Variants in MRPL2 observed in about 807,000 individuals in gnomAD.
MRPL2 encodes the protein large ribosomal subunit protein uL2m.
Under a neutral mutation model 34.6 loss-of-function variants are expected in MRPL2, and 27 were observed. The ratio of observed to expected loss-of-function variants is 0.78; its 90% confidence interval spans 0.58 to 1.08. The LOEUF (loss-of-function observed/expected upper bound fraction) is 1.08, where lower values mean the gene tolerates loss of function less well. MRPL2 is among the 50% of genes least tolerant of loss of function. The pLI, the probability that MRPL2 is intolerant of heterozygous loss-of-function variation, is 0.00. For synonymous variants in MRPL2, 155 were observed against 158.0 expected, an observed-to-expected ratio of 0.98 and a Z score of 0.14; for missense variants, 414 against 419.3, an observed-to-expected ratio of 0.99 and a Z score of 0.11.
intron 6 of MRPL2, 77 bp from the exon 7 acceptor site, chr6:43,054,563 G>A: frequency 7.8e-7 from 1 of 1,288,486 alleles, no homozygotes; most frequent in East Asian, 2.4e-5. Context: ...CACCCTTGGG[G>A]GGCTTCTTAG....
upstream of MRPL2, chr6:43,059,581 G>GC (rs1317772704): frequency 9.9e-6 from 14 of 1,417,958 alleles, no homozygotes; most frequent in Admixed American, 8.8e-5. Context: ...TAGGAAACAG[G>GC]CCCCGCCCCC....
Position 43,056,009 on chromosome 6 carries a change from T to C in MRPL2, c.521-2A>G, listed in dbSNP as rs1764866384. 16 of 1,614,042 alleles carry C rather than the reference T, an allele frequency of 9.9e-6. No homozygotes were observed. Among genetic ancestry groups the C allele is most frequent in the African/African-American group, 1.3e-5 (1 of 74,922 alleles). On this transcript the variant is annotated splice_acceptor_variant, in intron 4 of 6. Transcript: ENST00000388752. LOFTEE classifies it high-confidence loss of function. The stretch of plus-strand genomic sequence containing the variant: ...GCGCATCCCCTTCCCGAGCAGCAAC[T>C]AAAAGACAGGATTTCATTAGCTCTA...
chr6:43,058,232 A>G lies in MRPL2; in HGVS notation c.98T>C (p.Met33Thr). Residue 33 changes from methionine to threonine, a missense_variant and splice_region_variant, in exon 2 of 7, where the codon ATG becomes ACG. Coordinates refer to ENST00000388752, the MANE Select transcript of MRPL2 (RefSeq NM_015950.5). ...CTGTTGGAGGAGGCCATTGTTCATCATCTAGGGATAAAAAGACATCTCTTT... is the reference window on the plus strand; with the variant it reads ...CTGTTGGAGGAGGCCATTGTTCATCGTCTAGGGATAAAAAGACATCTCTTT... ...PAPSLFPAAQ[M>T]MNNGLLQQPS... 6.2e-7 allele frequency: 1 copy of G among 1,613,588 alleles called. No homozygotes were observed. Among genetic ancestry groups the G allele is most frequent in the South Asian group, 1.1e-5 (1 of 90,974 alleles).
intron 6 of MRPL2, 94 bp from the exon 7 acceptor site, chr6:43,054,580 G>A (rs2150342920): frequency 2.9e-6 from 3 of 1,030,556 alleles, no homozygotes; most frequent in African/African-American, 1.6e-5. Flanking sequence ...TTAGACTCAA[G>A]GAGAGAAGGG....
At chr6:43,056,965 G>A (rs578081660) in intron 2 of MRPL2, among the ~76,000 whole-genome samples, 6 of 152,090 alleles carry the variant, frequency 3.9e-5, no homozygotes, top group East Asian at 3.9e-4. Context: ...GAGCCACTGC[G>A]CCCAGCCAAA....
intron 6 of MRPL2, 43 bp downstream of exon 6, chr6:43,055,502 A>T: frequency 1.3e-6 from 2 of 1,593,284 alleles, no homozygotes; most frequent in Non-Finnish European, 1.7e-6. Context: ...ACATTCCAAA[A>T]ATTCCTCCTT....
rs1765011868 is a variant in MRPL2, at chr6:43,059,405, C to G, written c.-24G>C. The G allele has an allele frequency of 3.3e-6, 5 of 1,524,122 alleles. No homozygotes were observed. The East Asian group carries it at 1.2e-4, about 38-fold the overall frequency. 94.4% of individuals were successfully genotyped at this position (1,524,122 alleles called of 1,614,324 possible). ...ATCAGCACGACACCCTTACTTTTAG[C>G]CAAGCTGCTCGGTGCTCCTAGATGA... is the stretch of plus-strand genomic sequence containing the variant. On this transcript the variant is annotated 5_prime_UTR_variant, in exon 1 of 7. Transcript: ENST00000388752.
intron 6 of MRPL2, 37 bp from the exon 7 acceptor site, chr6:43,054,523 G>A (rs200148871): frequency 6.3e-7 from 1 of 1,578,268 alleles, no homozygotes; most frequent in Non-Finnish European, 8.7e-7. Flanking sequence ...TGTACAATGG[G>A]GGGGAAAGAG....
rs1404741485 is a variant in MRPL2, at chr6:43,054,359, T to C, written c.833A>G (p.Lys278Arg). The change falls in exon 7 of 7, where the codon AAG (lysine) becomes AGG (arginine). Residue 278 changes from lysine to arginine, a missense_variant. Coordinates refer to ENST00000388752, the MANE Select transcript of MRPL2 (RefSeq NM_015950.5). ...AATCTTTCGGCCAGCCCAGCCCCCC[T>C]TGCGGTGCCACCGCCCACTGTTAGG... The part of the protein sequence containing the change: ...KRPNSGRWHR[K>R]GGWAGRKIRP... 3 of 1,613,820 alleles carry C rather than the reference T, an allele frequency of 1.9e-6. No individual in the cohort carries two copies. Among genetic ancestry groups the C allele is most frequent in the Non-Finnish European group, 2.5e-6 (3 of 1,179,996 alleles).
chr6:43,056,889 G>A (rs1162652906), intron 2 of MRPL2, among the ~76,000 whole-genome samples: 2 of 152,110 alleles, frequency 1.3e-5, no homozygotes, highest in Non-Finnish European at 2.9e-5. Context: ...TAGCCAGGAT[G>A]GTTTCAATCT....
rs993488668 is a variant in MRPL2 at position 43,059,358 on chromosome 6, G to A, written c.24C>T (p.Arg8=). The change falls in exon 1 of 7, where the codon CGC becomes CGT. Residue 8 remains arginine (R), a synonymous_variant. Coordinates refer to ENST00000388752, the MANE Select transcript of MRPL2 (RefSeq NM_015950.5). ...GCGCCAGGTTCAGAGAGCGCAGAGC[G>A]CGGGTCAGTGCGCACAGGGCCATCA... MALCALT[R]ALRSLNLAPP... 15 of 1,552,022 alleles carry A rather than the reference G, an allele frequency of 9.7e-6. No homozygotes were observed. Among genetic ancestry groups the A allele is most frequent in the Non-Finnish European group, 1.2e-5 (14 of 1,147,424 alleles).
At chr6:43,058,600 T>C (rs555046501) in intron 1 of MRPL2, among the ~76,000 whole-genome samples, 1 of 152,244 alleles carries the variant, frequency 6.6e-6, no homozygotes, top group East Asian at 1.9e-4. Context: ...GTCATTTCAC[T>C]CTTGTTCCTT....
chr6:43,054,546 G>C, intron 6 of MRPL2, 60 bp from the exon 7 acceptor site: 2 of 1,470,554 alleles, frequency 1.4e-6, no homozygotes, highest in Non-Finnish European at 1.9e-6. Context: ...TGACAATGTT[G>C]AGAGCACACC....
Position 43,054,245 on chromosome 6 carries a change from G to GA in MRPL2, c.*28_*29insT. The stretch of plus-strand genomic sequence containing the variant: ...CACAGTAACAGATTAAAACGGGGGG[G>GA]GGGGGCATTTTATTAGAGTACAGGG... On this transcript the variant is annotated 3_prime_UTR_variant, in exon 7 of 7. Transcript: ENST00000388752. The GA allele has an allele frequency of 7.2e-7, 1 of 1,397,312 alleles. No individual in the cohort carries two copies. Among genetic ancestry groups the GA allele is most frequent in the Non-Finnish European group, 9.8e-7 (1 of 1,023,156 alleles). The allele number at this position is 1,397,312 out of a possible 1,614,324, so 86.6% of individuals were successfully genotyped here.
At chr6:43,056,834 C>T (rs1437246646) in intron 2 of MRPL2, among the ~76,000 whole-genome samples, 1 of 152,000 alleles carries the variant, frequency 6.6e-6, no homozygotes, top group African/African-American at 2.4e-5. Flanking sequence ...ACCACCACGC[C>T]CAGCTAAGTT....
chr6:43,056,411 G>A lies in MRPL2; in HGVS notation c.300C>T (p.His100=), dbSNP rs1581985883. 1 of 1,614,048 alleles carries A rather than the reference G, an allele frequency of 6.2e-7. No homozygotes were observed. The highest frequency in any genetic ancestry group is 2.2e-5 in the East Asian group (1 of 44,876). The part of the protein sequence containing the change: ...RIRVHGIGGG[H]KQRYRMIDFL... The stretch of plus-strand genomic sequence containing the variant: ...AGTCAATCATTCGATAACGTTGCTT[G>A]TGGCCCCCGCCAATACCATGCACCC... Residue 100 remains histidine (H), a synonymous_variant, in exon 3 of 7, where the codon CAC becomes CAT. Coordinates refer to ENST00000388752, the MANE Select transcript of MRPL2 (RefSeq NM_015950.5).
At position 43,054,238 on chromosome 6, in the gene MRPL2, C is replaced by CGA. The variant is rs1764725550; in HGVS notation, c.*35_*36insTC. 4 of 983,722 alleles carry CGA rather than the reference C, an allele frequency of 4.1e-6. No homozygotes were observed. Among genetic ancestry groups the CGA allele is most frequent in the Non-Finnish European group, 4.3e-6 (3 of 704,942 alleles). The allele number at this position is 983,722 out of a possible 1,614,324, so 60.9% of individuals were successfully genotyped here. ...ACAAAACCACAGTAACAGATTAAAA[C>CGA]GGGGGGGGGGGGCATTTTATTAGAG... On this transcript the variant is annotated 3_prime_UTR_variant, in exon 7 of 7. Transcript: ENST00000388752.
In MRPL2 at chr6:43,054,337, C is replaced by T. The variant is rs1291998091; in HGVS notation, c.855G>A (p.Lys285=). 2.5e-6 allele frequency: 4 copies of T among 1,613,096 alleles called. No homozygotes were observed. In the Admixed American group the frequency reaches 6.7e-5, roughly 27 times the overall value. ...WHRKGGWAGR[K]IRPLPPMKSY... ...TCTTCATGGGGGGTAGTGGCCGAAT[C>T]TTTCGGCCAGCCCAGCCCCCCTTGC... is the stretch of plus-strand genomic sequence containing the variant. Residue 285 remains lysine, a synonymous_variant, in exon 7 of 7, where the codon AAG becomes AAA. Transcript: ENST00000388752.
rs767552813 is a variant in MRPL2, at chr6:43,056,296, C to A, written c.404+11G>T. On this transcript the variant is annotated intron_variant, in intron 3 of 6. Coordinates refer to ENST00000388752, the MANE Select transcript of MRPL2 (RefSeq NM_015950.5). Reference sequence around the variant, plus strand: ...AGACCATTCCATCATCATCCCACATCCCAAACTTGCCTACAGGGATCATAG... The same window carrying A: ...AGACCATTCCATCATCATCCCACATACCAAACTTGCCTACAGGGATCATAG... 1 of 1,614,204 alleles carries A rather than the reference C, an allele frequency of 6.2e-7. No individual in the cohort carries two copies. Among genetic ancestry groups the A allele is most frequent in the Non-Finnish European group, 8.5e-7 (1 of 1,180,034 alleles).
Sources: gnomAD v4.1 joint callset for allele counts (sites outside exome capture counted in the v4.1 genomes callset) on GRCh38, gnomAD v4.1.1 for gene constraint, MANE v1.5 for transcripts, NCBI Gene and HGNC (gene_info 2026-07-23, HGNC 2026-07-21) for gene names.